Variants in NCOR2 observed in about 807,000 individuals in gnomAD.
NCOR2 encodes CTG repeat protein 26.
Under a neutral mutation model 262.9 loss-of-function variants are expected in NCOR2, and 81 were observed. The ratio of observed to expected loss-of-function variants is 0.31; its 90% CI spans 0.26 to 0.37. The LOEUF is 0.37. Among genes scored for constraint, NCOR2 ranks in the 10% least tolerant of loss-of-function variants. NCOR2 has a pLI of 1.00. For synonymous variants in NCOR2, 1,659 were observed against 1,559.3 expected (o/e 1.06, Z -1.51); for missense variants, 3,385 against 3,621.4 (o/e 0.93, Z 1.68).
chr12:124,554,059 G>A (rs905242501), intron 1 of NCOR2, among the ~76,000 whole-genome samples: 7 of 152,306 alleles, frequency 4.6e-5, no homozygotes, highest in Admixed American at 2.6e-4. Flanking sequence ...CCAGGGCCCC[G>A]GGGCAGGCCA....
At chr12:124,349,702 G>A (rs1454617098) in intron 28 of NCOR2, among the ~76,000 whole-genome samples, 1 of 152,156 alleles carries the variant, frequency 6.6e-6, no homozygotes, top group Non-Finnish European at 1.5e-5. Flanking sequence ...ATACGCTGAA[G>A]GCCTATAAAG....
chr12:124,567,092 G>C (rs1489230174), intron 1 of NCOR2, among the ~76,000 whole-genome samples: 8 of 151,970 alleles, frequency 5.3e-5, no homozygotes, highest in Non-Finnish European at 1.2e-4. Flanking sequence ...TAGGGAGCTG[G>C]AGTTCCCCTA....
intron 1 of NCOR2, among the ~76,000 whole-genome samples, chr12:124,502,517 G>C (rs999742486): frequency 3.9e-5 from 6 of 152,182 alleles, no homozygotes; most frequent in African/African-American, 1.4e-4. Context: ...AAGGCGCCGG[G>C]GAGAGGAGGG....
At chr12:124,410,864 G>C (rs2042540672) in intron 13 of NCOR2, among the ~76,000 whole-genome samples, 2 of 152,136 alleles carry the variant, frequency 1.3e-5, no homozygotes, top group African/African-American at 4.8e-5. Flanking sequence ...ACAGCAAGGG[G>C]AACAAGGTCA....
chr12:124,491,182 C>G (rs1450046244), intron 1 of NCOR2, among the ~76,000 whole-genome samples: 2 of 152,230 alleles, frequency 1.3e-5, no homozygotes, highest in Non-Finnish European at 2.9e-5. Flanking sequence ...GTGCTCACCC[C>G]TGCCCTAGGG....
At chr12:124,445,761 T>G (rs2045129051) in intron 7 of NCOR2, among the ~76,000 whole-genome samples, 3 of 152,152 alleles carry the variant, frequency 2.0e-5, no homozygotes, top group Non-Finnish European at 4.4e-5. Context: ...TTCACTCCTA[T>G]CTCCTAGAGG....
Position 124,566,303 on chromosome 12 carries a change from G to A in NCOR2, c.-165+1005C>T, listed in dbSNP as rs553485455. ...TGCACCAGACCCTCGGAGAGCCGGA[G>A]CGCGCGACAGGCGGCGGGAGGACAC... On this transcript the variant is annotated intron_variant, in intron 1 of 32. Coordinates refer to the NCOR2 transcript ENST00000458234. This position sits in a 1 kb window ranked among gnomAD's most constrained non-coding sequence, Gnocchi z 4.3. Among the ~76,000 whole-genome samples the A allele has an allele frequency of 2.0e-4, 31 of 152,244 alleles. No individual in the cohort carries two copies. The highest frequency in any genetic ancestry group is 4.1e-4 in the Non-Finnish European group (28 of 68,050).
intron 16 of NCOR2, among the ~76,000 whole-genome samples, chr12:124,386,608 T>C (rs2040824099): frequency 2.6e-5 from 4 of 152,196 alleles, no homozygotes; most frequent in Non-Finnish European, 5.9e-5. Context: ...ACAGACCTCC[T>C]GCTGTGGGAA....
intron 4 of NCOR2, 114 bp downstream of exon 6, chr12:124,472,838 C>A (rs1226779211): frequency 1.6e-5 from 22 of 1,415,102 alleles, no homozygotes; most frequent in Admixed American, 1.8e-5. Flanking sequence ...GCATAAAAAC[C>A]AGTGAGCACC....
At chr12:124,494,759 C>T (rs932019189) in intron 1 of NCOR2, among the ~76,000 whole-genome samples, 2 of 152,162 alleles carry the variant, frequency 1.3e-5, no homozygotes, top group African/African-American at 4.8e-5. Flanking sequence ...CCTATCCGGC[C>T]CCCTTGCCCC....
At chr12:124,327,417 G>A (rs766258727) in exon 45 of NCOR2, 3 of 1,609,918 alleles carry the variant, frequency 1.9e-6, no homozygotes, top group Non-Finnish European at 2.5e-6. Flanking sequence ...ACCTGGCGAG[G>A]TGAGTGTGTG....
chr12:124,365,824 A>G (rs1349791863), intron 20 of NCOR2, among the ~76,000 whole-genome samples: 1 of 151,122 alleles, frequency 6.6e-6, no homozygotes, highest in Non-Finnish European at 1.5e-5. Context: ...ACCTGGGCCC[A>G]GCTGTGCTCT....
chr12:124,431,594 T>C (rs1419732545), intron 8 of NCOR2, among the ~76,000 whole-genome samples: 1 of 146,230 alleles, frequency 6.8e-6, no homozygotes, highest in African/African-American at 2.6e-5. Flanking sequence ...CACAGATATA[T>C]GCACAGGCAC....
At chr12:124,545,605 G>A (rs911673141) in intron 1 of NCOR2, among the ~76,000 whole-genome samples, 9 of 152,216 alleles carry the variant, frequency 5.9e-5, no homozygotes, top group South Asian at 2.1e-4. Context: ...CTCATGTACC[G>A]GTGAGCTCAG....
upstream of NCOR2, among the ~76,000 whole-genome samples, chr12:124,497,468 T>A (rs1338791093): frequency 6.6e-6 from 1 of 152,186 alleles, no homozygotes; most frequent in African/African-American, 2.4e-5. The surrounding 1 kb of genome is among the most constrained non-coding windows in gnomAD (Gnocchi z 4.2). Context: ...TAGGGACTTT[T>A]TTATAGAGAT....
In NCOR2 at chr12:124,483,834, C is replaced by T; in HGVS notation, c.234-61G>A. 6.8e-7 allele frequency: 1 copy of T among 1,464,032 alleles called. No homozygotes were observed. The highest frequency in any genetic ancestry group is 1.4e-5 in the African/African-American group (1 of 70,732). 90.7% of individuals were successfully genotyped at this position (1,464,032 alleles called of 1,614,324 possible). A position where few individuals can be genotyped will look rare whatever the true frequency, so the allele number is the denominator to read the frequency against. ...ATTGCGGCTCTGAGAACTCCCGAGG[C>T]CCCGACCACCCTCTGCGCCGAGCAT... On this transcript the variant is annotated intron_variant, in intron 2 of 46. Transcript: ENST00000405201. The surrounding 1 kb of genome is among the most constrained non-coding windows in gnomAD (Gnocchi z 6.3).
chr12:124,472,699 T>C (rs1244592262), intron 4 of NCOR2, among the ~76,000 whole-genome samples: 1 of 152,196 alleles, frequency 6.6e-6, no homozygotes, highest in Non-Finnish European at 1.5e-5. Flanking sequence ...AAATTAAAAA[T>C]CAGTTCCTCA....
At chr12:124,529,196 A>AAAAACAAAAC (rs1555238614) in intron 1 of NCOR2, among the ~76,000 whole-genome samples, 27 of 147,170 alleles carry the variant, frequency 1.8e-4, no homozygotes, top group African/African-American at 7.1e-4. Context: ...AAAAAAAAAA[A>AAAAACAAAAC]AAAAAACACT....
At position 124,483,834 on chromosome 12, in the gene NCOR2, C is replaced by A. The variant is rs979687401; in HGVS notation, c.234-61G>T. The A allele has an allele frequency of 1.8e-5, 27 of 1,463,914 alleles. No individual in the cohort carries two copies. In the East Asian group the frequency reaches 6.5e-4, roughly 35 times the overall value. The allele number at this position is 1,463,914 out of a possible 1,614,324, so 90.7% of individuals were successfully genotyped here. A position where few individuals can be genotyped will look rare whatever the true frequency, so the allele number is the denominator to read the frequency against. On this transcript the variant is annotated intron_variant, in intron 2 of 46. Coordinates refer to ENST00000405201, the Ensembl canonical transcript of NCOR2. The surrounding 1 kb of genome is among the most constrained non-coding windows in gnomAD (Gnocchi z 6.3). ...ATTGCGGCTCTGAGAACTCCCGAGGCCCCGACCACCCTCTGCGCCGAGCAT... is the reference window on the plus strand; with the variant it reads ...ATTGCGGCTCTGAGAACTCCCGAGGACCCGACCACCCTCTGCGCCGAGCAT...
Sources: allele counts gnomAD v4.1 joint callset (sites outside exome capture counted in the v4.1 genomes callset), GRCh38; gene constraint gnomAD v4.1.1; non-coding constraint Gnocchi (gnomAD v3.1); transcripts MANE v1.5; gene names NCBI Gene and HGNC (gene_info 2026-07-23, HGNC 2026-07-21).